The following B3GALT1 variants were observed in gnomAD, a reference collection of about 807,000 sequenced individuals.
B3GALT1 encodes the protein beta-1,3-galactosyltransferase 1.
In B3GALT1, 10 loss-of-function variants were observed where a neutral mutation model predicts 23.2. The observed-to-expected ratio is 0.43, with a 90% CI of 0.27 to 0.73. B3GALT1 has a LOEUF of 0.73. B3GALT1 is among the 30% of genes least tolerant of loss of function. B3GALT1 has a pLI of 0.21. For synonymous variants in B3GALT1, 156 were observed against 141.5 expected, an observed-to-expected ratio of 1.10 and a Z score of -0.73; for missense variants, 299 against 405.4, an observed-to-expected ratio of 0.74 and a Z score of 2.25.
chr2:167,371,812 GAT>G (rs869106405), intron 1 of B3GALT1, among the ~76,000 whole-genome samples: 1 of 49,112 alleles, frequency 2.0e-5, no homozygotes, highest in Admixed American at 3.4e-4. Context: ...ATATTAAGAT[GAT>G]ATTTTTTGCT....
At chr2:167,564,744 C>T (rs1250610807) in intron 2 of B3GALT1, among the ~76,000 whole-genome samples, 1 of 152,230 alleles carries the variant, frequency 6.6e-6, no homozygotes, top group Non-Finnish European at 1.5e-5. Flanking sequence ...CATGAGTGAA[C>T]TCCCATTCAC....
chr2:167,351,370 A>G (rs990161270), intron 1 of B3GALT1, among the ~76,000 whole-genome samples: 3 of 152,092 alleles, frequency 2.0e-5, no homozygotes, highest in African/African-American at 7.2e-5. Context: ...AATCTTTCTT[A>G]CAAGTTCTCC....
intron 4 of B3GALT1, among the ~76,000 whole-genome samples, chr2:167,844,974 G>A (rs116632922): frequency 0.014 from 2,185 of 152,174 alleles, 64 homozygotes; most frequent in African/African-American, 0.05. Context: ...TGCCGGCTTT[G>A]CCCCACTTCC....
intron 1 of B3GALT1, among the ~76,000 whole-genome samples, chr2:167,443,289 A>G (rs556408174): frequency 0.031 from 4,652 of 152,202 alleles, 221 homozygotes; most frequent in African/African-American, 0.11. Flanking sequence ...CTTGTAGTAT[A>G]GTTTGAAGTC....
intron 3 of B3GALT1, among the ~76,000 whole-genome samples, chr2:167,760,161 A>C (rs1366044576): frequency 2.0e-5 from 3 of 152,206 alleles, no homozygotes. Flanking sequence ...AAAAAAATTA[A>C]ACACAAAACT....
At chr2:167,495,608 C>G (rs1428131772) in intron 2 of B3GALT1, among the ~76,000 whole-genome samples, 5 of 152,150 alleles carry the variant, frequency 3.3e-5, no homozygotes, top group Non-Finnish European at 7.3e-5. Context: ...GCTGGGATTA[C>G]AGGCGTGAGC....
chr2:167,668,720 G>A (rs148490028), intron 3 of B3GALT1, among the ~76,000 whole-genome samples: 2,516 of 152,280 alleles, frequency 0.017, 62 homozygotes, highest in African/African-American at 0.057. Flanking sequence ...TCCAGGTGCC[G>A]TCTGTCACCC....
At chr2:167,644,275 G>A (rs1002349717) in intron 2 of B3GALT1, among the ~76,000 whole-genome samples, 1 of 152,046 alleles carries the variant, frequency 6.6e-6, no homozygotes, top group African/African-American at 2.4e-5. Flanking sequence ...AGGTGTTCTG[G>A]ATGAGAGAAG....
At chr2:167,425,775 C>T (rs186255038) in intron 1 of B3GALT1, among the ~76,000 whole-genome samples, 2 of 152,102 alleles carry the variant, frequency 1.3e-5, no homozygotes, top group East Asian at 3.9e-4. Flanking sequence ...CGACTTTGTA[C>T]ATGACTTATA....
chr2:167,556,428 T>A (rs1245193662), intron 2 of B3GALT1, among the ~76,000 whole-genome samples: 1 of 152,086 alleles, frequency 6.6e-6, no homozygotes, highest in Admixed American at 6.6e-5. Flanking sequence ...TAGGAAACAA[T>A]TATTGGCAAG....
intron 2 of B3GALT1, among the ~76,000 whole-genome samples, chr2:167,642,722 A>G (rs1217972332): frequency 1.3e-5 from 2 of 152,126 alleles, no homozygotes; most frequent in African/African-American, 2.4e-5. Flanking sequence ...CATATATTAT[A>G]TATTTACTTG....
At chr2:167,423,694 A>G (rs1698582009) in intron 1 of B3GALT1, among the ~76,000 whole-genome samples, 1 of 152,158 alleles carries the variant, frequency 6.6e-6, no homozygotes, top group South Asian at 2.1e-4. Context: ...CAAGAGCAGC[A>G]CCCAGAAGAC....
At chr2:167,469,901 T>C (rs191880375) in intron 1 of B3GALT1, among the ~76,000 whole-genome samples, 3 of 152,316 alleles carry the variant, frequency 2.0e-5, no homozygotes, top group Admixed American at 2.0e-4. Context: ...TTGTCAGATA[T>C]TATGTTTACT....
intron 2 of B3GALT1, among the ~76,000 whole-genome samples, chr2:167,626,432 G>C (rs956441438): frequency 1.3e-4 from 19 of 151,566 alleles, no homozygotes; most frequent in African/African-American, 4.1e-4. Context: ...CCAAGTAAAA[G>C]TCAAAATTGC....
At chr2:167,415,694 T>C (rs2105298327) in intron 1 of B3GALT1, among the ~76,000 whole-genome samples, 1 of 152,228 alleles carries the variant, frequency 6.6e-6, no homozygotes, top group East Asian at 1.9e-4. Context: ...AGAATACTGA[T>C]AGAAATAGGG....
intron 3 of B3GALT1, among the ~76,000 whole-genome samples, chr2:167,721,832 G>A (rs1184216863): frequency 6.6e-6 from 1 of 152,214 alleles, no homozygotes; most frequent in East Asian, 1.9e-4. Context: ...GTAGGCAAAT[G>A]AAATTCCGGC....
intron 2 of B3GALT1, among the ~76,000 whole-genome samples, chr2:167,563,787 C>G (rs1283345859): frequency 9.4e-5 from 11 of 116,464 alleles, no homozygotes; most frequent in African/African-American, 2.8e-4. Flanking sequence ...GGGCTGACCC[C>G]CCCACCTCCC....
At chr2:167,849,058 A>G (rs1689817825) in intron 4 of B3GALT1, among the ~76,000 whole-genome samples, 1 of 152,326 alleles carries the variant, frequency 6.6e-6, no homozygotes, top group South Asian at 2.1e-4. Flanking sequence ...AAACTATGAG[A>G]CACTGCTGAA....
intron 3 of B3GALT1, among the ~76,000 whole-genome samples, chr2:167,705,452 G>A (rs1686953429): frequency 6.6e-6 from 1 of 152,110 alleles, no homozygotes; most frequent in Admixed American, 6.5e-5. Flanking sequence ...AACCTTATAA[G>A]AAGAATCAAG....
Sources: allele counts gnomAD v4.1 joint callset (sites outside exome capture counted in the v4.1 genomes callset), GRCh38; gene constraint gnomAD v4.1.1; transcripts MANE v1.5; gene names NCBI Gene and HGNC (gene_info 2026-07-23, HGNC 2026-07-21).